The following MTO1 variants were observed in gnomAD, a reference collection of about 807,000 sequenced individuals.
The protein encoded by MTO1 is mitochondrial tRNA translation optimization 1, also known as 5-taurinomethyluridine-[tRNA] synthase subunit MTO1, mitochondrial.
Under a neutral mutation model 71.6 loss-of-function variants are expected in MTO1, and 46 were observed. The observed-to-expected ratio is 0.64, with a 90% CI of 0.51 to 0.82. The LOEUF is 0.82. Ranked by LOEUF, MTO1 falls within the 40% of genes least tolerant of loss-of-function variation. The pLI, the probability that MTO1 is intolerant of heterozygous loss-of-function variation, is 0.00. For missense variants in MTO1, 773 were observed against 867.5 expected (o/e 0.89, Z 1.37); for synonymous variants, 297 against 312.1 (o/e 0.95, Z 0.51).
chr6:73,491,098 T>C (rs1200679975), intron 9 of MTO1, among the ~76,000 whole-genome samples: 1 of 152,162 alleles, frequency 6.6e-6, no homozygotes. Flanking sequence ...GGAATTTTAG[T>C]AATTGTCCCT....
rs761290955 is a variant in MTO1, at chr6:73,482,493, G to A, written c.1510G>A (p.Ala504Thr). The part of the protein sequence containing the change: ...GCVSQQRYER[A>T]CWMKSSLEEG... ...TGTGTCCCAACAACGATATGAAAGA[G>A]CTTGTTGGATGAAGTCTTCTTTAGA... Residue 504 changes from alanine to threonine, a missense_variant, in exon 9 of 12, where the codon GCT becomes ACT. Physicochemically the swap from Ala to Thr is moderately conservative, Grantham distance 58. Coordinates refer to ENST00000498286, the MANE Select transcript of MTO1 (RefSeq NM_012123.4). 1.5e-5 allele frequency: 25 copies of A among 1,613,372 alleles called. No individual in the cohort carries two copies. The highest frequency in any genetic ancestry group is 2.0e-5 in the Non-Finnish European group (24 of 1,179,856).
At chr6:73,493,269 A>G (rs1430384484) in intron 10 of MTO1, among the ~76,000 whole-genome samples, 1 of 149,536 alleles carries the variant, frequency 6.7e-6, no homozygotes, top group Non-Finnish European at 1.5e-5. Flanking sequence ...GCCAGGGATT[A>G]CAGGCGTGAG....
chr6:73,487,200 T>G (rs935273694), intron 9 of MTO1, among the ~76,000 whole-genome samples: 6 of 104,622 alleles, frequency 5.7e-5, no homozygotes, highest in Non-Finnish European at 1.3e-4. Flanking sequence ...GCTTTCAATT[T>G]TTTTTTTTTT....
At chr6:73,489,588 A>G (rs547181874) in intron 9 of MTO1, among the ~76,000 whole-genome samples, 1 of 152,152 alleles carries the variant, frequency 6.6e-6, no homozygotes, top group African/African-American at 2.4e-5. Context: ...TTCCAGCTTC[A>G]TCCATGTCCC....
chr6:73,480,143 G>T lies in MTO1; in HGVS notation c.1129+17G>T. On this transcript the variant is annotated intron_variant, in intron 6 of 11. Coordinates refer to ENST00000498286, the MANE Select transcript of MTO1 (RefSeq NM_012123.4). ...TTCAGCCAGGTAAAGAAGATCACAAGTGCCCTTCAGTATAAGGTCAGCATT... is the reference window on the plus strand; with the variant it reads ...TTCAGCCAGGTAAAGAAGATCACAATTGCCCTTCAGTATAAGGTCAGCATT... The T allele has an allele frequency of 6.2e-7, 1 of 1,611,086 alleles. No homozygotes were observed. Among genetic ancestry groups the T allele is most frequent in the African/African-American group, 1.3e-5 (1 of 74,954 alleles).
intron 9 of MTO1, among the ~76,000 whole-genome samples, chr6:73,485,932 G>A (rs58462079): frequency 0.2 from 30,639 of 151,942 alleles, 3,168 homozygotes; most frequent in African/African-American, 0.25. Context: ...GCACCTATGC[G>A]TAACACATAC....
intron 11 of MTO1, among the ~76,000 whole-genome samples, chr6:73,498,839 C>T (rs938453839): frequency 6.6e-6 from 1 of 152,076 alleles, no homozygotes; most frequent in Non-Finnish European, 1.5e-5. Flanking sequence ...ATTCCCCTAC[C>T]TCAGCCTCCC....
Position 73,466,497 on chromosome 6 carries a change from C to T in MTO1, c.426C>T (p.Ile142=). ...KLYKQNMQKE[I]LNTPLLTVQE... ...GCATTTTCTTTTGACAGAAAGAAAT[C>T]TTGAATACACCACTGCTTACTGTTC... Residue 142 remains isoleucine (I), a synonymous_variant, in exon 3 of 12, where the codon ATC becomes ATT. Transcript: ENST00000498286. 1 of 1,614,000 alleles carries T rather than the reference C, an allele frequency of 6.2e-7. No individual in the cohort carries two copies. Among genetic ancestry groups the T allele is most frequent in the Non-Finnish European group, 8.5e-7 (1 of 1,179,912 alleles).
At position 73,466,298 on chromosome 6, in the gene MTO1, A is replaced by G. The variant is rs574980280; in HGVS notation, c.307A>G (p.Ile103Val). ...VDALDGLCSRICDQSGVHYKV... is the reference protein window; with the variant it reads ...VDALDGLCSRVCDQSGVHYKV... ...TGCCTTGGATGGCCTGTGTTCTCGC[A>G]TCTGTGACCAGTCTGGTGTACATTA... is the stretch of plus-strand genomic sequence containing the variant. Residue 103 changes from isoleucine (I) to valine (V), a missense_variant, in exon 2 of 12, where the codon ATC becomes GTC. Coordinates refer to ENST00000498286, the MANE Select transcript of MTO1 (RefSeq NM_012123.4). 37 of 1,614,154 alleles carry G rather than the reference A, an allele frequency of 2.3e-5. 1 individual carries two copies. In the South Asian group the frequency reaches 4.0e-4, roughly 17 times the overall value.
rs1279799384 is a variant in MTO1, at chr6:73,493,360, G to GTGTGTGTA, written c.1756+1015_1756+1016insATGTGTGT. On this transcript the variant is annotated intron_variant, in intron 10 of 11. Transcript: ENST00000498286. ...TTATTTGAAATGTGCATGTATGTGT[G>GTGTGTGTA]TGTGTGTGTGTGTGTGTGTGTGTGT... Among the ~76,000 whole-genome samples the GTGTGTGTA allele has an allele frequency of 1.4e-3, 205 of 141,512 alleles. 1 individual carries two copies. The highest frequency in any genetic ancestry group is 5.8e-3 in the African/African-American group (194 of 33,654). 92.8% of individuals were successfully genotyped at this position (141,512 alleles called of 152,430 possible). A position where few individuals can be genotyped will look rare whatever the true frequency, so the allele number is the denominator to read the frequency against.
At position 73,482,541 on chromosome 6, in the gene MTO1, T is replaced by G. The variant is rs1771536024; in HGVS notation, c.1558T>G (p.Ser520Ala). The G allele has an allele frequency of 6.2e-7, 1 of 1,612,432 alleles. No individual in the cohort carries two copies. The highest frequency in any genetic ancestry group is 1.7e-5 in the Admixed American group (1 of 59,964). The part of the protein sequence containing the change: ...SLEEGISVLK[S>A]IEFLSSKWKK... ...AGAAGAAGGCATTTCTGTGTTGAAA[T>G]CTATTGAGTTTTTGAGCTCTAAATG... Residue 520 changes from serine to alanine, a missense_variant, in exon 9 of 12, where the codon TCT (serine) becomes GCT (alanine). Coordinates refer to ENST00000498286, the MANE Select transcript of MTO1 (RefSeq NM_012123.4).
intron 1 of MTO1, among the ~76,000 whole-genome samples, chr6:73,464,859 A>AAAAC (rs1770939777): frequency 7.4e-6 from 1 of 135,814 alleles, no homozygotes; most frequent in African/African-American, 2.9e-5. Context: ...AAAAAAAAAA[A>AAAAC]AACTTTTGGA....
intron 9 of MTO1, among the ~76,000 whole-genome samples, chr6:73,484,634 A>G (rs1397195204): frequency 6.6e-6 from 1 of 152,210 alleles, no homozygotes; most frequent in Non-Finnish European, 1.5e-5. Context: ...TTACTAGCTA[A>G]CTGGCTTACA....
At position 73,473,381 on chromosome 6, in the gene MTO1, A is replaced by G. The variant is rs746213747; in HGVS notation, c.552A>G (p.Val184=). ...SGVVLVDGST[V]YAESVILTTG... The stretch of plus-strand genomic sequence containing the variant: ...GTTATTTAGTGGATGGAAGCACAGT[A>G]TATGCAGAGAGTGTGATTCTGACTA... Residue 184 remains valine, a synonymous_variant, in exon 4 of 12, where the codon GTA becomes GTG. Transcript: ENST00000498286. 5.0e-5 allele frequency: 80 copies of G among 1,613,704 alleles called. No homozygotes were observed. The highest frequency in any genetic ancestry group is 6.3e-5 in the Non-Finnish European group (74 of 1,179,808).
At chr6:73,493,103 T>C (rs1771868431) in intron 10 of MTO1, among the ~76,000 whole-genome samples, 1 of 150,290 alleles carries the variant, frequency 6.7e-6, no homozygotes, top group Admixed American at 6.7e-5. Context: ...CAAGTGATTC[T>C]CCTGCCTCAG....
At position 73,506,241 on chromosome 6, in the gene MTO1, T is replaced by C. The variant is rs201435955; in HGVS notation, c.*5506T>C. The C allele has an allele frequency of 6.6e-6, 1 of 152,374 alleles. No individual in the cohort carries two copies. The highest frequency in any genetic ancestry group is 1.5e-5 in the Non-Finnish European group (1 of 68,110). The allele number at this position is 152,374 out of a possible 1,614,324, so 9.4% of individuals were successfully genotyped here. ...ATCCACCTCCCTCAGCCTCTCAAAG[T>C]GCTGGGATTACAGGCATGAGCCACC... On this transcript the variant is annotated 3_prime_UTR_variant, in exon 12 of 12. Transcript: ENST00000498286.
chr6:73,473,367 G>A lies in MTO1; in HGVS notation c.538G>A (p.Asp180Asn). Residue 180 changes from aspartate to asparagine, a missense_variant and splice_region_variant, in exon 4 of 12, where the codon GAT becomes AAT. Coordinates refer to ENST00000498286, the MANE Select transcript of MTO1 (RefSeq NM_012123.4). Reference protein sequence around the residue: ...KCRVSGVVLVDGSTVYAESVI... With the variant: ...KCRVSGVVLVNGSTVYAESVI... ...TATTCTTTTTTCTTGTTATTTAGTG[G>A]ATGGAAGCACAGTATATGCAGAGAG... is the stretch of plus-strand genomic sequence containing the variant. 1 of 1,600,378 alleles carries A rather than the reference G, an allele frequency of 6.2e-7. No homozygotes were observed. Among genetic ancestry groups the A allele is most frequent in the Non-Finnish European group, 8.5e-7 (1 of 1,172,526 alleles).
At chr6:73,470,506 C>T (rs1369202266) in intron 3 of MTO1, among the ~76,000 whole-genome samples, 1 of 151,868 alleles carries the variant, frequency 6.6e-6, no homozygotes, top group African/African-American at 2.4e-5. Flanking sequence ...GCGCGTGGCC[C>T]AGGAGTGTCA....
intron 9 of MTO1, among the ~76,000 whole-genome samples, chr6:73,486,001 T>C (rs896516656): frequency 1.3e-5 from 2 of 152,192 alleles, no homozygotes; most frequent in Admixed American, 1.3e-4. Flanking sequence ...ATGTGTTAGG[T>C]AGCTCAGAAA....
Sources: gnomAD v4.1 joint callset for allele counts (sites outside exome capture counted in the v4.1 genomes callset) on GRCh38, gnomAD v4.1.1 for gene constraint, MANE v1.5 for transcripts, NCBI Gene and HGNC (gene_info 2026-07-23, HGNC 2026-07-21) for gene names.